Variants in PCLO observed in about 807,000 individuals in gnomAD.
PCLO encodes the protein protein piccolo.
PCLO carries 82 observed loss-of-function variants against 427.5 expected under a neutral mutation model. The observed-to-expected ratio is 0.19, with a 90% CI of 0.16 to 0.23. The LOEUF (loss-of-function observed/expected upper bound fraction) is 0.23, where lower values mean the gene tolerates loss of function less well. PCLO is among the 10% of genes least tolerant of loss of function. The pLI, the probability that PCLO is intolerant of heterozygous loss-of-function variation, is 1.00. For missense variants in PCLO, 6,239 were observed against 6,115.9 expected (o/e 1.02, Z -0.67); for synonymous variants, 2,357 against 2,155.4 (o/e 1.09, Z -2.59).
chr7:83,078,769 C>T (rs1014291590), intron 3 of PCLO, among the ~76,000 whole-genome samples: 19 of 152,062 alleles, frequency 1.2e-4, no homozygotes, highest in African/African-American at 4.3e-4. Context: ...TTCCTGAGCT[C>T]TGGCAATCCG....
Position 82,916,145 on chromosome 7 carries a change from C to T in PCLO, c.11841G>A (p.Gln3947=). 1.1e-5 allele frequency: 17 copies of T among 1,613,566 alleles called. No homozygotes were observed. The highest frequency in any genetic ancestry group is 1.4e-5 in the Non-Finnish European group (16 of 1,179,720). The stretch of plus-strand genomic sequence containing the variant: ...TCTGTGAAGGTAACTGATAAGAAGG[C>T]TGTGGGGTTGGTGTAGGTTGAACTT... ...TPQVQPTPTP[Q]PSYQLPSQMM... Residue 3947 remains glutamine (Q), a synonymous_variant, in exon 7 of 25, where the codon CAG becomes CAA. Coordinates refer to ENST00000333891, the MANE Select transcript of PCLO (RefSeq NM_033026.6).
intron 21 of PCLO, among the ~76,000 whole-genome samples, chr7:82,803,384 A>C (rs1310300522): frequency 6.6e-6 from 1 of 152,162 alleles, no homozygotes; most frequent in Non-Finnish European, 1.5e-5. Context: ...TGTAAGTCTT[A>C]GTAATTGTAG....
At chr7:82,848,895 C>T in intron 10 of PCLO, 1 of 407,746 alleles carries the variant, frequency 2.5e-6, no homozygotes, top group Non-Finnish European at 5.0e-6. Flanking sequence ...TTCAGATGGG[C>T]CTTAGGTTTA....
intron 3 of PCLO, among the ~76,000 whole-genome samples, chr7:83,083,249 T>A (rs1156750245): frequency 6.6e-6 from 1 of 151,952 alleles, no homozygotes; most frequent in Non-Finnish European, 1.5e-5. Context: ...TACAACTAAA[T>A]GTTAAAGTAT....
At chr7:83,128,723 T>G (rs897461294) in intron 3 of PCLO, among the ~76,000 whole-genome samples, 3 of 152,136 alleles carry the variant, frequency 2.0e-5, no homozygotes, top group African/African-American at 7.2e-5. Flanking sequence ...GGAAAGAATA[T>G]AACAGTATTT....
At position 82,757,732 on chromosome 7, in the gene PCLO, G is replaced by A. The variant is rs1390208175; in HGVS notation, c.*843C>T. ...GTCCTTTGGTACATAGACTGAAGAT[G>A]TCTTGGCTTAATGGTAAATTATGAA... is the stretch of plus-strand genomic sequence containing the variant. On this transcript the variant is annotated 3_prime_UTR_variant, in exon 25 of 25. Coordinates refer to ENST00000333891, the MANE Select transcript of PCLO (RefSeq NM_033026.6). 6.6e-6 allele frequency: 1 copy of A among 151,904 alleles called. No homozygotes were observed. Among genetic ancestry groups the A allele is most frequent in the East Asian group, 1.9e-4 (1 of 5,168 alleles). The allele number at this position is 151,904 out of a possible 1,614,324, so 9.4% of individuals were successfully genotyped here. A position where few individuals can be genotyped will look rare whatever the true frequency, so the allele number is the denominator to read the frequency against.
chr7:83,142,805 A>G (rs1791895435), intron 2 of PCLO, among the ~76,000 whole-genome samples: 1 of 152,138 alleles, frequency 6.6e-6, no homozygotes, highest in Non-Finnish European at 1.5e-5. Flanking sequence ...CTAAAAATAC[A>G]AAAATCAGCC....
At chr7:82,773,906 C>T (rs1790696337) in intron 22 of PCLO, among the ~76,000 whole-genome samples, 1 of 152,108 alleles carries the variant, frequency 6.6e-6, no homozygotes, top group Non-Finnish European at 1.5e-5. Flanking sequence ...GTACCTATAT[C>T]CTTCTGTCTT....
At chr7:83,003,658 T>C (rs1297228018) in intron 3 of PCLO, among the ~76,000 whole-genome samples, 2 of 152,048 alleles carry the variant, frequency 1.3e-5, no homozygotes, top group East Asian at 3.9e-4. Flanking sequence ...TTGATTTGCA[T>C]ATGTTGCACC....
intron 20 of PCLO, among the ~76,000 whole-genome samples, chr7:82,809,080 A>G (rs1791514561): frequency 6.6e-6 from 1 of 151,944 alleles, no homozygotes; most frequent in Non-Finnish European, 1.5e-5. Flanking sequence ...TAAAACATCA[A>G]TTCTATTAAA....
At position 82,845,377 on chromosome 7, in the gene PCLO, C is replaced by T; in HGVS notation, c.13940G>A (p.Gly4647Glu). 6.2e-7 allele frequency: 1 copy of T among 1,613,312 alleles called. No individual in the cohort carries two copies. Among genetic ancestry groups the T allele is most frequent in the Non-Finnish European group, 8.5e-7 (1 of 1,179,586 alleles). ...PLVLSSVVEK[G>E]SHVHSGPTSA... is the part of the protein sequence containing the mutation. ...TGTAGGACCTGAATGAACATGAGATCCTTTTTCAACAACTGATGACAGAAC... is the reference window on the plus strand; with the variant it reads ...TGTAGGACCTGAATGAACATGAGATTCTTTTTCAACAACTGATGACAGAAC... The change falls in exon 13 of 25, where the codon GGA becomes GAA. Residue 4647 changes from glycine (G) to glutamate (E), a missense_variant. Around this residue, in one of 5 missense-constraint regions of PCLO, gnomAD observed 877 missense variants for 925.5 expected, o/e 0.95. Transcript: ENST00000333891.
At chr7:82,769,619 T>C (rs1219453236) in intron 22 of PCLO, among the ~76,000 whole-genome samples, 1 of 151,968 alleles carries the variant, frequency 6.6e-6, no homozygotes, top group Non-Finnish European at 1.5e-5. Flanking sequence ...ATGAATACAA[T>C]GTGGAAGAGA....
intron 3 of PCLO, among the ~76,000 whole-genome samples, chr7:83,053,460 G>A (rs1280142593): frequency 6.6e-6 from 1 of 151,918 alleles, no homozygotes; most frequent in Non-Finnish European, 1.5e-5. Flanking sequence ...TCAAATATCT[G>A]TGAATGTTGG....
chr7:82,928,995 C>T (rs974333950), intron 6 of PCLO, among the ~76,000 whole-genome samples: 11 of 151,922 alleles, frequency 7.2e-5, no homozygotes, highest in Admixed American at 6.6e-4. Flanking sequence ...TTACGGCTTG[C>T]TAACTGAGAT....
chr7:82,955,175 G>A lies in PCLO; in HGVS notation c.5778C>T (p.His1926=). The A allele has an allele frequency of 6.2e-7, 1 of 1,613,718 alleles. No individual in the cohort carries two copies. The highest frequency in any genetic ancestry group is 8.5e-7 in the Non-Finnish European group (1 of 1,179,828). ...TTGCAGCTGGAAAAGCTTTGTATTT[G>A]TGTGTTTTATGCATCATTTCTTCAT... ...EMYEEMMHKT[H]KYKAFPAANE... The change falls in exon 5 of 25, where the codon CAC becomes CAT. Residue 1926 remains histidine, a synonymous_variant. Transcript: ENST00000333891.
Position 82,761,464 on chromosome 7 carries a change from T to A in PCLO, c.15037A>T (p.Ile5013Phe). The A allele has an allele frequency of 6.3e-7, 1 of 1,599,322 alleles. No homozygotes were observed. Among genetic ancestry groups the A allele is most frequent in the East Asian group, 2.2e-5 (1 of 44,650 alleles). The change falls in exon 23 of 25, where the codon ATT becomes TTT. Residue 5013 changes from isoleucine to phenylalanine, a missense_variant. Ile to Phe is a conservative substitution (Grantham distance 21). Coordinates refer to ENST00000333891, the MANE Select transcript of PCLO (RefSeq NM_033026.6). ...GTCTTCATTTCCTTCTTCAATGCAA[T>A]CTTGATTTCTCCCATTACCTGAGTT... The part of the protein sequence containing the change: ...AKTQVMGEIK[I>F]ALKKEMKTDG...
rs185957197 is a variant in PCLO at position 83,160,316 on chromosome 7, A to T, written c.248+2029T>A. On this transcript the variant is annotated intron_variant, in intron 1 of 24. Coordinates refer to ENST00000333891, the MANE Select transcript of PCLO (RefSeq NM_033026.6). ...ACCCATGCTGTCAATCTTTATTTTT[A>T]AAATTCTATGTTCAATTCACACCAC... Among the ~76,000 whole-genome samples, 582 of 152,270 alleles carry T rather than the reference A, an allele frequency of 3.8e-3. 6 individuals carry two copies. Among genetic ancestry groups the T allele is most frequent in the African/African-American group, 0.013 (555 of 41,574 alleles).
chr7:82,915,381 T>C lies in PCLO; in HGVS notation c.12605A>G (p.Lys4202Arg), dbSNP rs781017333. 6.2e-7 allele frequency: 1 copy of C among 1,613,530 alleles called. No individual in the cohort carries two copies. Among genetic ancestry groups the C allele is most frequent in the Non-Finnish European group, 8.5e-7 (1 of 1,179,712 alleles). ...TCTACTTTCTTGAATAGGTGAAAAT[T>C]TTGACATTTTAGGGTCAATTAGTGA... is the stretch of plus-strand genomic sequence containing the variant. The part of the protein sequence containing the change: ...KKSLIDPKMS[K>R]FSPIQESRDL... The change falls in exon 7 of 25, where the codon AAA becomes AGA. Residue 4202 changes from lysine to arginine, a missense_variant. Physicochemically the swap from Lys to Arg is conservative, Grantham distance 26 (BLOSUM62 2). Around this residue, in one of 5 missense-constraint regions of PCLO, gnomAD observed 680 missense variants for 677.3 expected, o/e 1.00. Transcript: ENST00000333891.
chr7:82,761,429 T>A lies in PCLO; in HGVS notation c.15072A>T (p.Glu5024Asp), dbSNP rs1469667825. Reference protein sequence around the residue: ...ALKKEMKTDGEQLIVEILQCR... With the variant: ...ALKKEMKTDGDQLIVEILQCR... ...ATTGGAGAATTTCAACTATTAGTTG[T>A]TCACCATCTGTCTTCATTTCCTTCT... The change falls in exon 23 of 25, where the codon GAA becomes GAT. Residue 5024 changes from glutamate to aspartate, a missense_variant. Physicochemically the swap from Glu to Asp is conservative, Grantham distance 45 (BLOSUM62 2). Around this residue, in one of 5 missense-constraint regions of PCLO, gnomAD observed 877 missense variants for 925.5 expected, o/e 0.95. Coordinates refer to ENST00000333891, the MANE Select transcript of PCLO (RefSeq NM_033026.6). 6.3e-7 allele frequency: 1 copy of A among 1,583,860 alleles called. No individual in the cohort carries two copies. Among genetic ancestry groups the A allele is most frequent in the South Asian group, 1.1e-5 (1 of 89,542 alleles).
Sources: allele counts gnomAD v4.1 joint callset (sites outside exome capture counted in the v4.1 genomes callset), GRCh38; gene constraint gnomAD v4.1.1; regional missense constraint gnomAD v4.1.1; transcripts MANE v1.5; gene names NCBI Gene and HGNC (gene_info 2026-07-23, HGNC 2026-07-21).